The following APOL3 variants were observed in gnomAD, a reference collection of about 807,000 sequenced individuals.
APOL3 encodes the protein apolipoprotein L3.
A neutral mutation model predicts 11.6 loss-of-function variants in APOL3; 14 were observed. The ratio of observed to expected loss-of-function variants is 1.21; its 90% CI spans 0.80 to 1.89. The LOEUF is 1.89. APOL3 is among the 40% of genes most tolerant of loss of function. The pLI is 0.00. For synonymous variants in APOL3, 192 were observed against 190.6 expected, an observed-to-expected ratio of 1.01 and a Z score of -0.06; for missense variants, 483 against 492.1, an observed-to-expected ratio of 0.98 and a Z score of 0.17.
chr22:36,161,860 G>C (rs937496303), upstream of APOL3, among the ~76,000 whole-genome samples: 9 of 35,790 alleles, frequency 2.5e-4, no homozygotes, highest in East Asian at 8.2e-3. Flanking sequence ...GAAAAAGGTG[G>C]GGGGGTGATT....
chr22:36,142,870 C>T (rs939184587), intron 2 of APOL3, among the ~76,000 whole-genome samples: 2 of 152,210 alleles, frequency 1.3e-5, no homozygotes, highest in South Asian at 4.1e-4. Context: ...CCTGTACTGC[C>T]CCAGTTCAGC....
intron 1 of APOL3, among the ~76,000 whole-genome samples, chr22:36,150,518 C>T (rs2060392254): frequency 6.6e-6 from 1 of 152,176 alleles, no homozygotes; most frequent in Non-Finnish European, 1.5e-5. Context: ...GACTGGGTTC[C>T]CACCCAACCA....
chr22:36,144,775 C>T (rs527695330), intron 2 of APOL3, among the ~76,000 whole-genome samples: 10 of 152,026 alleles, frequency 6.6e-5, no homozygotes, highest in Middle Eastern at 3.4e-3. Context: ...CTTGGGAGGC[C>T]GAGGCGGGAG....
At chr22:36,152,968 G>C (rs1372839385) in intron 1 of APOL3, among the ~76,000 whole-genome samples, 1 of 152,040 alleles carries the variant, frequency 6.6e-6, no homozygotes, top group Non-Finnish European at 1.5e-5. Flanking sequence ...AAAATTAGCC[G>C]GGCATGGTGG....
upstream of APOL3, among the ~76,000 whole-genome samples, chr22:36,161,716 G>A (rs2013704960): frequency 2.0e-5 from 3 of 152,158 alleles, no homozygotes; most frequent in Admixed American, 2.0e-4. Flanking sequence ...CAAAGTGGGG[G>A]GCGGATGTGG....
rs201658679 is a variant in APOL3 at position 36,141,537 on chromosome 22, A to G, written c.872T>C (p.Ile291Thr). The G allele has an allele frequency of 1.0e-4, 164 of 1,614,078 alleles. No individual in the cohort carries two copies. The highest frequency in any genetic ancestry group is 5.1e-4 in the East Asian group (23 of 44,898). The change falls in exon 3 of 3, where the codon ATT becomes ACT. Residue 291 changes from isoleucine to threonine, a missense_variant. By Grantham distance (89) the Ile-to-Thr change is moderately conservative. Coordinates refer to ENST00000349314, the Ensembl canonical transcript of APOL3. The stretch of plus-strand genomic sequence containing the variant: ...CCTGATGGCACGGATTTCACTCCCA[A>G]TGGTTTGTGTGGCTTCGTAATAATT...
chr22:36,156,698 CCA>C, intron 1 of APOL3: 1 of 283,862 alleles, frequency 3.5e-6, no homozygotes, highest in East Asian at 7.8e-5. Context: ...GCAGCGTCCC[CCA>C]GCCCTCCCCA....
chr22:36,146,596 T>C (rs181028793), intron 1 of APOL3, among the ~76,000 whole-genome samples: 1 of 152,016 alleles, frequency 6.6e-6, no homozygotes, highest in African/African-American at 2.4e-5. Flanking sequence ...TACCCTTATG[T>C]AAATTCCTGG....
chr22:36,153,845 G>A (rs1210462593), intron 1 of APOL3, among the ~76,000 whole-genome samples: 1 of 152,164 alleles, frequency 6.6e-6, no homozygotes, highest in Admixed American at 6.5e-5. Context: ...ATACACTTAG[G>A]GAGCATGAGA....
chr22:36,155,719 G>T, intron 1 of APOL3: 2 of 161,280 alleles, frequency 1.2e-5, no homozygotes, highest in South Asian at 3.5e-4. Context: ...TGGGGCCTCA[G>T]ACCACACCTG....
chr22:36,154,555 G>C (rs898872624), intron 1 of APOL3: 1 of 466,694 alleles, frequency 2.1e-6, no homozygotes, highest in African/African-American at 2.0e-5. Context: ...GTTCGTAAGT[G>C]TTGAGAATGA....
At chr22:36,146,603 C>T (rs2060230562) in intron 1 of APOL3, among the ~76,000 whole-genome samples, 1 of 151,018 alleles carries the variant, frequency 6.6e-6, no homozygotes, top group Non-Finnish European at 1.5e-5. Context: ...ATGTAAATTC[C>T]TGGGATATAG....
intron 1 of APOL3, chr22:36,153,426 G>T: frequency 2.2e-6 from 1 of 456,084 alleles, no homozygotes; most frequent in Non-Finnish European, 4.4e-6. Context: ...TAACCAAGCT[G>T]CTAAGAAAAG....
chr22:36,149,992 T>A, intron 1 of APOL3: 1 of 440,006 alleles, frequency 2.3e-6, no homozygotes, highest in Non-Finnish European at 4.6e-6. Flanking sequence ...AAATTTTTTT[T>A]AGAAATGTGG....
intron 1 of APOL3, chr22:36,154,589 G>A (rs1250036674): frequency 2.1e-6 from 1 of 470,786 alleles, no homozygotes. Context: ...ACAGACATTT[G>A]GAAGCTGGCG....
At position 36,160,687 on chromosome 22, in the gene APOL3, AAG is replaced by A. The variant is rs1255658519; in HGVS notation, c.203_204del (p.Ser68PhefsTer7). On this transcript the variant is annotated frameshift_variant, in exon 1 of 3. An upstream open reading frame in the 5' UTR loses its in-frame stop. Coordinates refer to ENST00000349314, the Ensembl canonical transcript of APOL3. LOFTEE classifies it high-confidence loss of function. ...AACTTACCAAGGAAGCTTCTCTTGA[AAG>A]AGTGTGAGCAAGATCCAGCTGTTCT... 1 of 1,614,212 alleles carries A rather than the reference AAG, an allele frequency of 6.2e-7. No individual in the cohort carries two copies. Among genetic ancestry groups the A allele is most frequent in the East Asian group, 2.2e-5 (1 of 44,880 alleles).
chr22:36,141,845 A>G (rs3827346), exon 3 of APOL3: 332,874 of 1,614,066 alleles, frequency 0.21, 42,384 homozygotes, highest in East Asian at 0.65. Context: ...TGGACACCAC[A>G]TTGGAGATGG....
At chr22:36,141,292 C>T (rs1168274621) in exon 3 of APOL3, 2 of 1,614,186 alleles carry the variant, frequency 1.2e-6, no homozygotes, top group African/African-American at 2.7e-5. Context: ...CTCAGCTCCT[C>T]AGCAGATGCA....
At chr22:36,165,951 C>A (rs1165946807) in exon 1 of APOL3, 1 of 152,150 alleles carries the variant, frequency 6.6e-6, no homozygotes, top group Non-Finnish European at 1.5e-5. Context: ...CCCTGGCCCA[C>A]CTAAGTTTAG....
Sources: gnomAD v4.1 joint callset for allele counts (sites outside exome capture counted in the v4.1 genomes callset) on GRCh38, gnomAD v4.1.1 for gene constraint, MANE v1.5 for transcripts, NCBI Gene and HGNC (gene_info 2026-07-23, HGNC 2026-07-21) for gene names.